SACS: variants seen among roughly 807,000 people sequenced by gnomAD.
SACS encodes sacsin molecular chaperone, also known as sacsin.
SACS carries 197 observed loss-of-function variants against 348.0 expected under a neutral mutation model. The observed-to-expected ratio is 0.57, with a 90% CI of 0.50 to 0.64. SACS has a LOEUF of 0.64. SACS is among the 30% of genes least tolerant of loss of function. The pLI is 0.00. For synonymous variants in SACS, 1,985 were observed against 1,910.6 expected, an observed-to-expected ratio of 1.04 and a Z score of -1.02; for missense variants, 4,999 against 5,360.8, an observed-to-expected ratio of 0.93 and a Z score of 2.11.
chr13:23,344,287 A>T (rs1215000577), intron 9 of SACS, among the ~76,000 whole-genome samples: 1 of 152,214 alleles, frequency 6.6e-6, no homozygotes, highest in Non-Finnish European at 1.5e-5. Context: ...TTCCATAGAT[A>T]ATCTTACCCA....
chr13:23,348,829 G>A (rs1187352059), intron 9 of SACS, among the ~76,000 whole-genome samples: 2 of 152,288 alleles, frequency 1.3e-5, no homozygotes, highest in East Asian at 1.9e-4. Flanking sequence ...AAAAAATACT[G>A]AGCACCTACA....
chr13:23,369,135 T>A (rs1871235215), intron 4 of SACS, among the ~76,000 whole-genome samples: 1 of 152,232 alleles, frequency 6.6e-6, no homozygotes, highest in South Asian at 2.1e-4. Context: ...ATAAATGATG[T>A]TATTTTGTGG....
At position 23,334,673 on chromosome 13, in the gene SACS, T is replaced by C. The variant is rs1325507012; in HGVS notation, c.9203A>G (p.Asn3068Ser). 5 of 1,613,714 alleles carry C rather than the reference T, an allele frequency of 3.1e-6. No individual in the cohort carries two copies. The highest frequency in any genetic ancestry group is 4.5e-5 in the East Asian group (2 of 44,878). The change falls in exon 10 of 10, where the codon AAC (asparagine) becomes AGC (serine). Residue 3068 changes from asparagine (N) to serine (S), a missense_variant. Asn to Ser is a conservative substitution (Grantham distance 46). Transcript: ENST00000382292. ...LKHLLLEIGF[N>S]LVYNCDETAN... is the part of the protein sequence containing the mutation. ...AGTTTCATCACAGTTATAAACCAAG[T>C]TGAAACCAATTTCTAAAAGGAGATG...
At chr13:23,377,573 C>A (rs1437719996) in intron 2 of SACS, among the ~76,000 whole-genome samples, 1 of 152,194 alleles carries the variant, frequency 6.6e-6, no homozygotes, top group East Asian at 1.9e-4. Context: ...CTCCACTTGA[C>A]TTTCCTACCC....
At chr13:23,425,772 C>T (rs1033917225) in intron 1 of SACS, among the ~76,000 whole-genome samples, 8 of 151,560 alleles carry the variant, frequency 5.3e-5, no homozygotes, top group Admixed American at 2.0e-4. Flanking sequence ...CTTGGGGCCC[C>T]GAAGCTCCAC....
At chr13:23,386,065 T>C (rs1872280872) in intron 2 of SACS, among the ~76,000 whole-genome samples, 1 of 152,058 alleles carries the variant, frequency 6.6e-6, no homozygotes, top group African/African-American at 2.4e-5. Flanking sequence ...ACATGCAGAG[T>C]AGATATAGCA....
At chr13:23,378,709 T>C (rs1379320646) in intron 2 of SACS, among the ~76,000 whole-genome samples, 1 of 152,204 alleles carries the variant, frequency 6.6e-6, no homozygotes, top group African/African-American at 2.4e-5. Context: ...CCCAAAGTGC[T>C]AGAATTACAG....
chr13:23,337,733 T>C lies in SACS; in HGVS notation c.6143A>G (p.Glu2048Gly), dbSNP rs770956740. ...AAACTGTTTCTCTGAAAATGTGTTT[T>C]CAAGTAGTATCTGTTTGCAGCCAGC... is the stretch of plus-strand genomic sequence containing the variant. ...EEAGCKQILL[E>G]NTFSEKQFFS... The change falls in exon 10 of 10, where the codon GAA becomes GGA. Residue 2048 changes from glutamate (E) to glycine (G), a missense_variant. Transcript: ENST00000382292. 6.2e-7 allele frequency: 1 copy of C among 1,613,740 alleles called. No homozygotes were observed. The highest frequency in any genetic ancestry group is 2.2e-5 in the East Asian group (1 of 44,872).
intron 8 of SACS, among the ~76,000 whole-genome samples, 160 bp downstream of exon 8, chr13:23,354,359 A>C (rs569285883): frequency 1.3e-5 from 2 of 152,222 alleles, no homozygotes; most frequent in Non-Finnish European, 2.9e-5. Flanking sequence ...AGAATATAAA[A>C]TGTATCCTTT....
At position 23,330,548 on chromosome 13, in the gene SACS, T is replaced by C. The variant is rs1883397413; in HGVS notation, c.13328A>G (p.Asn4443Ser). The change falls in exon 10 of 10, where the codon AAT becomes AGT. Residue 4443 changes from asparagine to serine, a missense_variant. Around this residue, in one of 6 missense-constraint regions of SACS, gnomAD observed 254 missense variants for 275.1 expected, o/e 0.92. Transcript: ENST00000382292. ...TAGCCATCTGCGTGCTTCCACTGGATTGCCAACCGACTTGAAAGTGGGAGG... is the reference window on the plus strand; with the variant it reads ...TAGCCATCTGCGTGCTTCCACTGGACTGCCAACCGACTTGAAAGTGGGAGG... ...FVPPTFKSVG[N>S]PVEARRWLRQ... 8 of 1,614,116 alleles carry C rather than the reference T, an allele frequency of 5.0e-6. No homozygotes were observed. Among genetic ancestry groups the C allele is most frequent in the Non-Finnish European group, 6.8e-6 (8 of 1,179,974 alleles).
chr13:23,380,122 CGTGTGT>C (rs34243922), intron 2 of SACS, among the ~76,000 whole-genome samples: 10 of 116,420 alleles, frequency 8.6e-5, no homozygotes, highest in Non-Finnish European at 1.3e-4. Context: ...GGGATTCCCT[CGTGTGT>C]GTGTGTGTGT....
chr13:23,397,263 A>G (rs771797816), intron 2 of SACS, among the ~76,000 whole-genome samples: 1 of 152,206 alleles, frequency 6.6e-6, no homozygotes, highest in Non-Finnish European at 1.5e-5. Flanking sequence ...GTTTTCATTA[A>G]GGGAAAAGAG....
At chr13:23,425,987 G>A (rs1013806280) in intron 1 of SACS, among the ~76,000 whole-genome samples, 1 of 152,162 alleles carries the variant, frequency 6.6e-6, no homozygotes, top group Non-Finnish European at 1.5e-5. Flanking sequence ...ATTTCATAGG[G>A]ATGATCTTAT....
intron 2 of SACS, among the ~76,000 whole-genome samples, chr13:23,398,865 C>G (rs1026367435): frequency 3.3e-5 from 5 of 151,412 alleles, no homozygotes; most frequent in Admixed American, 6.6e-5. Flanking sequence ...GAAACCCCAT[C>G]TCTACTAAAA....
At position 23,335,786 on chromosome 13, in the gene SACS, A is replaced by G; in HGVS notation, c.8090T>C (p.Met2697Thr). 1 of 1,614,060 alleles carries G rather than the reference A, an allele frequency of 6.2e-7. No individual in the cohort carries two copies. The highest frequency in any genetic ancestry group is 8.5e-7 in the Non-Finnish European group (1 of 1,179,928). ...TGCATTACGAAGAGGAAATCTGAAC[A>G]TTGTGCAATTATCCAGTTTAAAATG... ...GTHFKLDNCT[M>T]FRFPLRNAEM... Residue 2697 changes from methionine to threonine, a missense_variant, in exon 10 of 10, where the codon ATG (methionine) becomes ACG (threonine). Physicochemically the swap from Met to Thr is moderately conservative, Grantham distance 81. Coordinates refer to ENST00000382292, the MANE Select transcript of SACS (RefSeq NM_014363.6). This position sits in a 1 kb window ranked among gnomAD's most constrained non-coding sequence, Gnocchi z 4.7.
chr13:23,346,124 C>T (rs1458791098), intron 9 of SACS, among the ~76,000 whole-genome samples: 1 of 152,058 alleles, frequency 6.6e-6, no homozygotes, highest in Non-Finnish European at 1.5e-5. Flanking sequence ...ATCTACTTCC[C>T]TCTCTGTTCT....
At chr13:23,352,643 A>T (rs890574973) in intron 9 of SACS, among the ~76,000 whole-genome samples, 23 of 151,194 alleles carry the variant, frequency 1.5e-4, no homozygotes, top group South Asian at 8.4e-4. Flanking sequence ...ATACAACATT[A>T]AAAAAAAAGG....
intron 1 of SACS, among the ~76,000 whole-genome samples, chr13:23,425,615 G>A (rs1040712104): frequency 2.6e-5 from 4 of 151,816 alleles, no homozygotes; most frequent in Admixed American, 6.7e-5. Context: ...AGCGGGCAGG[G>A]AGTTTCTGTG....
Position 23,330,198 on chromosome 13 carries a change from C to T in SACS, c.13678G>A (p.Val4560Met). ...DRFTSEVAMR[V>M]MECTACIIIK... ...ATGATACAGGCAGTACATTCCATCA[C>T]CCTCATAGCAACCTCAGAAGTGAAC... The change falls in exon 10 of 10, where the codon GTG (valine) becomes ATG (methionine). Residue 4560 changes from valine to methionine, a missense_variant. Transcript: ENST00000382292. 1.2e-6 allele frequency: 2 copies of T among 1,614,058 alleles called. No individual in the cohort carries two copies. Among genetic ancestry groups the T allele is most frequent in the Non-Finnish European group, 1.7e-6 (2 of 1,179,964 alleles).
Sources: gnomAD v4.1 joint callset for allele counts (sites outside exome capture counted in the v4.1 genomes callset) on GRCh38, gnomAD v4.1.1 for gene constraint, gnomAD v4.1.1 regional missense constraint, Gnocchi (gnomAD v3.1) non-coding constraint, MANE v1.5 for transcripts, NCBI Gene and HGNC (gene_info 2026-07-23, HGNC 2026-07-21) for gene names.